The following APBB1IP variants were observed in gnomAD, a reference collection of about 807,000 sequenced individuals.
APBB1IP encodes amyloid beta precursor protein binding family B member 1 interacting protein.
In APBB1IP, 27 loss-of-function variants were observed where a neutral mutation model predicts 64.9. The observed-to-expected ratio is 0.42, with a 90% CI of 0.31 to 0.57. The LOEUF (loss-of-function observed/expected upper bound fraction) is 0.57. APBB1IP is among the 20% of genes least tolerant of loss of function. APBB1IP has a pLI of 0.20. For missense variants in APBB1IP, 812 were observed against 845.5 expected, an observed-to-expected ratio of 0.96 and a Z score of 0.49; for synonymous variants, 392 against 331.0, an observed-to-expected ratio of 1.18 and a Z score of -2.00.
At chr10:26,508,409 A>G (rs567766524) in intron 6 of APBB1IP, among the ~76,000 whole-genome samples, 2 of 152,188 alleles carry the variant, frequency 1.3e-5, no homozygotes, top group Non-Finnish European at 2.9e-5. Flanking sequence ...AAAAAACAAA[A>G]AAAACCCCCC....
intron 6 of APBB1IP, among the ~76,000 whole-genome samples, chr10:26,508,093 G>C (rs968825985): frequency 6.6e-6 from 1 of 152,158 alleles, no homozygotes; most frequent in African/African-American, 2.4e-5. Context: ...TTTGTTCTGT[G>C]GTGCAGAATA....
rs529141994 is a variant in APBB1IP, at chr10:26,492,425, T to C, written c.72+27T>C. The C allele has an allele frequency of 6.2e-6, 10 of 1,602,738 alleles. No individual in the cohort carries two copies. In the African/African-American group the frequency reaches 6.7e-5, roughly 11 times the overall value. On this transcript the variant is annotated intron_variant, in intron 3 of 14. Transcript: ENST00000376236. The stretch of plus-strand genomic sequence containing the variant: ...TAAACTTCCCTTTTTAACTGGCAAA[T>C]TGGAAAACAAAAATAGAGTTGCAGA...
chr10:26,533,454 AAC>A lies in APBB1IP; in HGVS notation c.831_832del (p.Asn277LysfsTer10). ...FKNPQNFYLD[N>X]RGKKESKETN... ...TTTTATTTAGAATTTCTACTTGGATAACAGAGGAAAAAAAGAAAGCAAGGAAA... is the reference window on the plus strand; with the variant it reads ...TTTTATTTAGAATTTCTACTTGGATAAGAGGAAAAAAAGAAAGCAAGGAAA... On this transcript the variant is annotated frameshift_variant, in exon 9 of 15. Coordinates refer to ENST00000376236, the MANE Select transcript of APBB1IP (RefSeq NM_019043.4). LOFTEE classifies it high-confidence loss of function. The A allele has an allele frequency of 6.3e-7, 1 of 1,597,304 alleles. No homozygotes were observed. The highest frequency in any genetic ancestry group is 8.6e-7 in the Non-Finnish European group (1 of 1,169,158).
intron 8 of APBB1IP, among the ~76,000 whole-genome samples, chr10:26,516,543 C>CAA (rs71401901): frequency 0.16 from 7,617 of 47,134 alleles, 876 homozygotes; most frequent in Middle Eastern, 0.21. Flanking sequence ...GACTCCATCT[C>CAA]AAAAAAAAAA....
chr10:26,538,641 CAAAA>C (rs765081330), intron 10 of APBB1IP, among the ~76,000 whole-genome samples: 1 of 77,862 alleles, frequency 1.3e-5, no homozygotes, highest in Admixed American at 1.3e-4. Context: ...GATTCCATCT[CAAAA>C]AAAAAAAAAA....
At chr10:26,521,781 T>C (rs1836404441) in intron 8 of APBB1IP, among the ~76,000 whole-genome samples, 1 of 152,150 alleles carries the variant, frequency 6.6e-6, no homozygotes. Context: ...GATGGAGTCT[T>C]GCTTTGTCAC....
At chr10:26,525,647 G>C (rs754756078) in intron 8 of APBB1IP, among the ~76,000 whole-genome samples, 1 of 152,160 alleles carries the variant, frequency 6.6e-6, no homozygotes, top group Non-Finnish European at 1.5e-5. Flanking sequence ...AGAAAGAGCT[G>C]TTTTCTAACC....
At chr10:26,499,502 T>G (rs1836069622) in intron 4 of APBB1IP, among the ~76,000 whole-genome samples, 1 of 152,200 alleles carries the variant, frequency 6.6e-6, no homozygotes, top group Non-Finnish European at 1.5e-5. Flanking sequence ...TGAGTAGGCT[T>G]TATTCCAGCT....
Position 26,500,878 on chromosome 10 carries a change from G to A in APBB1IP, c.220G>A (p.Asp74Asn). ...TGCTCTCATGGCAGATCTGGTAGCA[G>A]ACATAAGTGAGGCTGAGCAGAGGAC... is the stretch of plus-strand genomic sequence containing the variant. ...LDALMADLVA[D>N]ISEAEQRTIQ... is the part of the protein sequence containing the mutation. The change falls in exon 5 of 15, where the codon GAC becomes AAC. Residue 74 changes from aspartate to asparagine, a missense_variant. Around this residue, in one of 3 missense-constraint regions of APBB1IP, gnomAD observed 394 missense variants for 413.1 expected, o/e 0.95. Transcript: ENST00000376236. The A allele has an allele frequency of 6.2e-7, 1 of 1,614,200 alleles. No individual in the cohort carries two copies. The highest frequency in any genetic ancestry group is 8.5e-7 in the Non-Finnish European group (1 of 1,180,032).
Position 26,536,210 on chromosome 10 carries a change from AGACT to A in APBB1IP, c.1038_1041del (p.Thr347ArgfsTer25). 1 of 1,562,196 alleles carries A rather than the reference AGACT, an allele frequency of 6.4e-7. No homozygotes were observed. ...GGAATTTATTATGTACCCAAAGGAA[AGACT>A]AAGGTCAGAAAAAAAAAAAAAAAAG... On this transcript the variant is annotated frameshift_variant, in exon 10 of 15. Coordinates refer to ENST00000376236, the MANE Select transcript of APBB1IP (RefSeq NM_019043.4). LOFTEE classifies it high-confidence loss of function.
intron 8 of APBB1IP, among the ~76,000 whole-genome samples, chr10:26,528,334 A>T (rs545591992): frequency 2.8e-4 from 43 of 152,118 alleles, no homozygotes; most frequent in Admixed American, 5.9e-4. Context: ...CTAGTGCTCC[A>T]AAGACACCTC....
chr10:26,519,049 T>C (rs1034070125), intron 8 of APBB1IP, among the ~76,000 whole-genome samples: 5 of 148,854 alleles, frequency 3.4e-5, no homozygotes, highest in Admixed American at 6.9e-5. Context: ...CTGAGGCGGG[T>C]GGATCACCTA....
In APBB1IP at chr10:26,533,474, C is replaced by A; in HGVS notation, c.849C>A (p.Ser283Arg). The change falls in exon 9 of 15, where the codon AGC becomes AGA. Residue 283 changes from serine to arginine, a missense_variant. By Grantham distance (110) the Ser-to-Arg change is moderately radical. Around this residue, in one of 3 missense-constraint regions of APBB1IP, gnomAD observed 394 missense variants for 413.1 expected, o/e 0.95. Coordinates refer to ENST00000376236, the MANE Select transcript of APBB1IP (RefSeq NM_019043.4). ...FYLDNRGKKESKETNEKMNAK... is the reference protein window; with the variant it reads ...FYLDNRGKKERKETNEKMNAK... The stretch of plus-strand genomic sequence containing the variant: ...TGGATAACAGAGGAAAAAAAGAAAG[C>A]AAGGAAACTAATGAGAAAATGAATG... The A allele has an allele frequency of 6.2e-7, 1 of 1,602,512 alleles. No individual in the cohort carries two copies. The highest frequency in any genetic ancestry group is 8.5e-7 in the Non-Finnish European group (1 of 1,175,080).
chr10:26,517,044 T>C (rs543301638), intron 8 of APBB1IP, among the ~76,000 whole-genome samples: 9 of 152,220 alleles, frequency 5.9e-5, no homozygotes, highest in African/African-American at 1.9e-4. Context: ...CAGAGGAATC[T>C]TGATGGCTTG....
At chr10:26,531,653 C>T (rs1224338564) in intron 8 of APBB1IP, among the ~76,000 whole-genome samples, 13 of 147,134 alleles carry the variant, frequency 8.8e-5, no homozygotes, top group African/African-American at 1.2e-4. Flanking sequence ...GGTGACAGAG[C>T]GAGACCCCGT....
At chr10:26,468,482 C>T (rs962308444) in intron 2 of APBB1IP, among the ~76,000 whole-genome samples, 1 of 152,082 alleles carries the variant, frequency 6.6e-6, no homozygotes, top group South Asian at 2.1e-4. Context: ...AACCTTGACC[C>T]GTCACTGTGT....
chr10:26,467,604 G>A (rs1835664064), intron 2 of APBB1IP, among the ~76,000 whole-genome samples: 1 of 152,198 alleles, frequency 6.6e-6, no homozygotes, highest in South Asian at 2.1e-4. Flanking sequence ...GCTGAGGTGA[G>A]TGGATCACTT....
chr10:26,476,341 G>T (rs1835775008), intron 2 of APBB1IP, among the ~76,000 whole-genome samples: 2 of 150,268 alleles, frequency 1.3e-5, no homozygotes. Context: ...CAGCTACTTG[G>T]GAGGCTGAAG....
At chr10:26,499,208 G>T (rs1007340602) in intron 4 of APBB1IP, among the ~76,000 whole-genome samples, 27 of 151,908 alleles carry the variant, frequency 1.8e-4, no homozygotes, top group African/African-American at 6.5e-4. Context: ...CGAGGCTACA[G>T]TGAGCTATGA....
Sources: allele counts gnomAD v4.1 joint callset (sites outside exome capture counted in the v4.1 genomes callset), GRCh38; gene constraint gnomAD v4.1.1; regional missense constraint gnomAD v4.1.1; transcripts MANE v1.5; gene names NCBI Gene and HGNC (gene_info 2026-07-23, HGNC 2026-07-21).